The following SHOX variants were observed in gnomAD, a reference collection of about 807,000 sequenced individuals.
The protein encoded by SHOX is SHOX homeobox.
SHOX carries 12 observed loss-of-function variants against 29.6 expected under a neutral mutation model. The ratio of observed to expected loss-of-function variants is 0.41; its 90% confidence interval spans 0.26 to 0.66. The LOEUF (loss-of-function observed/expected upper bound fraction) is 0.66, where lower values mean the gene tolerates loss of function less well. Among genes scored for constraint, SHOX ranks in the 30% least tolerant of loss-of-function variants. The pLI, the probability that SHOX is intolerant of heterozygous loss-of-function variation, is 0.35. For missense variants in SHOX, 499 were observed against 437.7 expected (o/e 1.14, Z -1.25); for synonymous variants, 214 against 200.6 (o/e 1.07, Z -0.57).
Position 649,926 on chromosome X carries a change from C to G in SHOX, c.*5290C>G, listed in dbSNP as rs2053029080. 1 of 456,094 alleles carries G rather than the reference C, an allele frequency of 2.2e-6. No individual in the cohort carries two copies. Among genetic ancestry groups the G allele is most frequent in the East Asian group, 6.9e-5 (1 of 14,392 alleles). 28.3% of individuals were successfully genotyped at this position (456,094 alleles called of 1,614,324 possible). A position where few individuals can be genotyped will look rare whatever the true frequency, so the allele number is the denominator to read the frequency against. ...ATCCACTTTTCTCTCTCTTTTCTCTCTCTCTGACTGCGAAGCACCCACAGG... is the reference window on the plus strand; with the variant it reads ...ATCCACTTTTCTCTCTCTTTTCTCTGTCTCTGACTGCGAAGCACCCACAGG... On this transcript the variant is annotated 3_prime_UTR_variant, in exon 5 of 5. Transcript: ENST00000686671.
intron 1 of SHOX, among the ~76,000 whole-genome samples, chrX:625,446 C>T (rs1311239374): frequency 1.3e-5 from 2 of 152,002 alleles, no homozygotes; most frequent in East Asian, 3.9e-4. Flanking sequence ...GCTTGGTGTG[C>T]TGCTCTCTTC....
At chrX:654,977 C>T (rs768786635), downstream of SHOX, among the ~76,000 whole-genome samples, 9 of 150,206 alleles carry the variant, frequency 6.0e-5, no homozygotes, top group Admixed American at 3.3e-4. Flanking sequence ...CGTGAGCCAC[C>T]GCGCCTGGCC....
intron 4 of SHOX, among the ~76,000 whole-genome samples, chrX:641,999 T>A (rs1177874094): frequency 6.6e-6 from 1 of 152,184 alleles, no homozygotes; most frequent in South Asian, 2.1e-4. Flanking sequence ...GCTCCCCACT[T>A]ACTTTGGAGT....
upstream of SHOX, among the ~76,000 whole-genome samples, chrX:625,960 TCTC>T (rs199515332): frequency 1.5e-3 from 74 of 49,164 alleles, no homozygotes; most frequent in Non-Finnish European, 2.1e-3. Flanking sequence ...CGTTCCTCTC[TCTC>T]TTTTTCTCTT....
At chrX:641,687 CA>C (rs35181650) in intron 4 of SHOX, among the ~76,000 whole-genome samples, 44,704 of 123,250 alleles carry the variant, frequency 0.36, 8,080 homozygotes, top group Middle Eastern at 0.57. Flanking sequence ...GACTCCATCT[CA>C]AAAAAAAAAA....
chrX:633,386 G>C (rs187585458), intron 1 of SHOX, among the ~76,000 whole-genome samples: 37 of 149,292 alleles, frequency 2.5e-4, no homozygotes, highest in African/African-American at 8.8e-4. Flanking sequence ...TGGGGGGAAG[G>C]AATGGAGTGT....
rs185857936 is a variant in SHOX, at chrX:644,960, C to A, written c.*324C>A. The A allele has an allele frequency of 8.4e-4, 305 of 361,018 alleles. 3 individuals carry two copies. The highest frequency in any genetic ancestry group is 6.2e-3 in the African/African-American group (291 of 46,944). 22.4% of individuals were successfully genotyped at this position (361,018 alleles called of 1,614,324 possible). A position where few individuals can be genotyped will look rare whatever the true frequency, so the allele number is the denominator to read the frequency against. On this transcript the variant is annotated 3_prime_UTR_variant, in exon 5 of 5. Transcript: ENST00000686671. ...CTGGCTGCGTCTTCCTCTGCTATAC[C>A]CTATGCATGCGGTTAACTACACACG...
intron 4 of SHOX, 102 bp from the exon 5 acceptor site, chrX:644,289 C>G: frequency 7.2e-7 from 1 of 1,381,834 alleles, no homozygotes; most frequent in South Asian, 1.5e-5. Flanking sequence ...GCGACGCTCC[C>G]TAGGGGAGAA....
intron 5 of SHOX, among the ~76,000 whole-genome samples, chrX:657,342 A>C (rs2053161965): frequency 6.6e-6 from 1 of 152,212 alleles, no homozygotes; most frequent in East Asian, 1.9e-4. Flanking sequence ...TAAAGCTTCC[A>C]GCCTCTGCAT....
chrX:657,452 GAGAAA>G (rs1157206603), intron 5 of SHOX, among the ~76,000 whole-genome samples: 1 of 152,032 alleles, frequency 6.6e-6, no homozygotes, highest in Non-Finnish European at 1.5e-5. Flanking sequence ...ATGTTATGGT[GAGAAA>G]ATGCTGCCCA....
Position 642,412 on chromosome X carries a change from A to G in SHOX, c.633+1325A>G, listed in dbSNP as rs1211434358. ...CGCGTGTTTGGCTGAGGGTGCAGGG[A>G]CTTGGGGGGTGGCGGTGGGGAGCGC... is the stretch of plus-strand genomic sequence containing the variant. On this transcript the variant is annotated intron_variant, in intron 4 of 4. Transcript: ENST00000686671. Among the ~76,000 whole-genome samples, 15 of 151,336 alleles carry G rather than the reference A, an allele frequency of 9.9e-5. No homozygotes were observed. The East Asian group carries it at 2.2e-3, about 22-fold the overall frequency.
At chrX:638,876 G>A (rs1246528338) in intron 2 of SHOX, among the ~76,000 whole-genome samples, 3 of 152,198 alleles carry the variant, frequency 2.0e-5, no homozygotes, top group African/African-American at 4.8e-5. Context: ...TTCTCTGGAC[G>A]AATCATTTCT....
chrX:630,314 C>CG (rs201627167), upstream of SHOX, among the ~76,000 whole-genome samples: 7,559 of 151,762 alleles, frequency 0.05, 331 homozygotes, highest in South Asian at 0.16. Flanking sequence ...CGGATCCCCC[C>CG]CTCGCCATCT....
At chrX:634,952 G>C (rs1210098156) in intron 2 of SHOX, 126 bp downstream of exon 2, 12 of 996,450 alleles carry the variant, frequency 1.2e-5, no homozygotes, top group East Asian at 2.6e-5. Flanking sequence ...GGGGAGGTTG[G>C]GTGAGGGACG....
At chrX:631,260 G>T in intron 1 of SHOX, 86 bp downstream of exon 1, 3 of 1,513,358 alleles carry the variant, frequency 2.0e-6, no homozygotes, top group Non-Finnish European at 2.7e-6. Flanking sequence ...CGCGCCCCTC[G>T]CTGTGCACAT....
In SHOX at chrX:636,721, CATAAAATATAT is replaced by C. The variant is rs1353322858; in HGVS notation, c.486+1899_486+1909del. On this transcript the variant is annotated intron_variant, in intron 2 of 4. Coordinates refer to ENST00000686671, the MANE Select transcript of SHOX (RefSeq NM_000451.4). ...AAATATATATATAAACATATATATA[CATAAAATATAT>C]ATATAAACATATATATACATATAAA... Among the ~76,000 whole-genome samples the C allele has an allele frequency of 2.0e-3, 14 of 7,054 alleles. 1 individual carries two copies. The African/African-American group carries it at 0.027, about 13-fold the overall frequency. The allele number at this position is 7,054 out of a possible 152,430, so 4.6% of individuals were successfully genotyped here. A position where few individuals can be genotyped will look rare whatever the true frequency, so the allele number is the denominator to read the frequency against.
At chrX:637,000 C>T (rs2052772608) in intron 2 of SHOX, among the ~76,000 whole-genome samples, 1 of 148,354 alleles carries the variant, frequency 6.7e-6, no homozygotes, top group Admixed American at 6.8e-5. Flanking sequence ...TCCGTCTTCC[C>T]ATGTGGCTGC....
In SHOX at chrX:631,579, T is replaced by A. The variant is rs752605150; in HGVS notation, c.277+405T>A. Among the ~76,000 whole-genome samples the A allele has an allele frequency of 1.6e-3, 245 of 152,342 alleles. 1 individual carries two copies. The highest frequency in any genetic ancestry group is 5.5e-3 in the African/African-American group (230 of 41,582). On this transcript the variant is annotated intron_variant, in intron 1 of 4. Transcript: ENST00000686671. Reference sequence around the variant, plus strand: ...CAGAGTCTCGCTCTGTCCCCCAGGCTGGAGTGCAGTGGTGCGATCTCGGCT... The same window carrying A: ...CAGAGTCTCGCTCTGTCCCCCAGGCAGGAGTGCAGTGGTGCGATCTCGGCT...
At chrX:625,056 T>TTCCCTCCCTCCCTCCC (rs2052493252) in intron 1 of SHOX, among the ~76,000 whole-genome samples, 1 of 51,758 alleles carries the variant, frequency 1.9e-5, no homozygotes, top group Non-Finnish European at 3.6e-5. Flanking sequence ...CCTCTGTTCC[T>TTCCCTCCCTCCCTCCC]TCCTCCCTCC....
Sources: allele counts gnomAD v4.1 joint callset (sites outside exome capture counted in the v4.1 genomes callset), GRCh38; gene constraint gnomAD v4.1.1; transcripts MANE v1.5; gene names NCBI Gene and HGNC (gene_info 2026-07-23, HGNC 2026-07-21).